Variants in SCNN1B observed in about 807,000 individuals in gnomAD.
SCNN1B encodes epithelial sodium channel subunit beta.
A neutral mutation model predicts 65.3 loss-of-function variants in SCNN1B; 46 were observed. The ratio of observed to expected loss-of-function variants is 0.70; its 90% confidence interval spans 0.56 to 0.90. SCNN1B has a LOEUF of 0.90. SCNN1B is among the 40% of genes least tolerant of loss of function. SCNN1B has a pLI of 0.00. For missense variants in SCNN1B, 751 were observed against 830.5 expected (o/e 0.90, Z 1.18); for synonymous variants, 349 against 330.6 (o/e 1.06, Z -0.60).
At chr16:23,289,357 C>T (rs1960892027) in intron 2 of SCNN1B, among the ~76,000 whole-genome samples, 2 of 152,138 alleles carry the variant, frequency 1.3e-5, no homozygotes, top group Non-Finnish European at 2.9e-5. Flanking sequence ...AAGCCTCAGA[C>T]CAGCCTGGGC....
chr16:23,324,029 A>G (rs2141996323), intron 1 of SCNN1B, among the ~76,000 whole-genome samples: 1 of 152,232 alleles, frequency 6.6e-6, no homozygotes, highest in Admixed American at 6.5e-5. Context: ...TGAAAACCAA[A>G]CAAAAACGCA....
intron 1 of SCNN1B, among the ~76,000 whole-genome samples, chr16:23,343,577 AAAAG>A (rs1193090358): frequency 1.5e-5 from 2 of 134,158 alleles, no homozygotes; most frequent in African/African-American, 2.8e-5. Context: ...GAAAGAAAGA[AAAAG>A]AGAAAGAAAG....
At chr16:23,319,577 T>G (rs1961544666) in intron 1 of SCNN1B, among the ~76,000 whole-genome samples, 4 of 152,164 alleles carry the variant, frequency 2.6e-5, no homozygotes, top group Admixed American at 2.6e-4. Context: ...GCCCAGTCAT[T>G]TACATGTTAT....
intron 10 of SCNN1B, among the ~76,000 whole-genome samples, chr16:23,377,986 A>G (rs190402567): frequency 2.6e-5 from 4 of 152,282 alleles, no homozygotes; most frequent in South Asian, 2.1e-4. Flanking sequence ...ACTGCGGGAA[A>G]CTACTTTATT....
At chr16:23,294,866 G>T (rs879324043) in intron 2 of SCNN1B, among the ~76,000 whole-genome samples, 1 of 151,776 alleles carries the variant, frequency 6.6e-6, no homozygotes, top group African/African-American at 2.4e-5. Context: ...GGTGGCGCGC[G>T]CCTGGAATCC....
chr16:23,352,897 C>T lies in SCNN1B; in HGVS notation c.408C>T (p.Ala136=), dbSNP rs747620908. 3.7e-6 allele frequency: 6 copies of T among 1,614,162 alleles called. No homozygotes were observed. The highest frequency in any genetic ancestry group is 5.1e-6 in the Non-Finnish European group (6 of 1,180,040). The change falls in exon 3 of 13, where the codon GCC becomes GCT. Residue 136 remains alanine (A), a synonymous_variant. Coordinates refer to ENST00000343070, the MANE Select transcript of SCNN1B (RefSeq NM_000336.3). ...CTCCTGAGCTAAGCCATGCCAATGCCACCAGGAACCTGAACTTCTCCATCT... is the reference window on the plus strand; with the variant it reads ...CTCCTGAGCTAAGCCATGCCAATGCTACCAGGAACCTGAACTTCTCCATCT... ...ILAPELSHAN[A]TRNLNFSIWN...
intron 1 of SCNN1B, among the ~76,000 whole-genome samples, chr16:23,324,984 C>T (rs1332814206): frequency 6.6e-6 from 1 of 152,194 alleles, no homozygotes; most frequent in Non-Finnish European, 1.5e-5. Flanking sequence ...TGTAATTGTA[C>T]TCATACAGGG....
intron 1 of SCNN1B, among the ~76,000 whole-genome samples, chr16:23,318,683 T>A (rs911142650): frequency 6.6e-6 from 1 of 152,160 alleles, no homozygotes; most frequent in Non-Finnish European, 1.5e-5. Flanking sequence ...TCTTTCAGAG[T>A]GGCTGTAAGA....
At chr16:23,373,038 C>T (rs572635314) in intron 7 of SCNN1B, among the ~76,000 whole-genome samples, 1 of 152,008 alleles carries the variant, frequency 6.6e-6, no homozygotes, top group Non-Finnish European at 1.5e-5. Context: ...ACCCGGGAGG[C>T]GGAGGTTGCA....
At chr16:23,305,560 A>ATATATATATATATATAT (rs1961189918) in intron 1 of SCNN1B, among the ~76,000 whole-genome samples, 1 of 44,196 alleles carries the variant, frequency 2.3e-5, no homozygotes, top group Non-Finnish European at 3.6e-5. Context: ...ATATATATAT[A>ATATATATATATATATAT]TATATATATA....
chr16:23,364,730 C>T (rs1298321473), intron 4 of SCNN1B, among the ~76,000 whole-genome samples: 6 of 152,202 alleles, frequency 3.9e-5, no homozygotes, highest in African/African-American at 7.2e-5. Flanking sequence ...GTGGCTCACA[C>T]ATGTAATCTC....
intron 2 of SCNN1B, among the ~76,000 whole-genome samples, chr16:23,350,150 G>A (rs1962279005): frequency 6.6e-6 from 1 of 152,170 alleles, no homozygotes; most frequent in South Asian, 2.1e-4. Flanking sequence ...TGTGTTCAGT[G>A]TTCTTTGGAT....
At chr16:23,330,652 A>G (rs1278274783) in intron 1 of SCNN1B, among the ~76,000 whole-genome samples, 1 of 152,138 alleles carries the variant, frequency 6.6e-6, no homozygotes, top group East Asian at 1.9e-4. Flanking sequence ...AGTTCACTGC[A>G]GCCTCCAACC....
At chr16:23,294,132 G>A (rs1305707281) in intron 2 of SCNN1B, among the ~76,000 whole-genome samples, 2 of 152,140 alleles carry the variant, frequency 1.3e-5, no homozygotes, top group Admixed American at 1.3e-4. Context: ...GGCCAAGGCT[G>A]ATGGGTCATT....
chr16:23,334,242 G>A (rs1189899980), intron 1 of SCNN1B, among the ~76,000 whole-genome samples: 1 of 151,972 alleles, frequency 6.6e-6, no homozygotes, highest in Non-Finnish European at 1.5e-5. Flanking sequence ...CCTCAACACT[G>A]CCTTACAGTG....
intron 1 of SCNN1B, among the ~76,000 whole-genome samples, chr16:23,345,670 C>T (rs1175049490): frequency 6.6e-6 from 1 of 152,198 alleles, no homozygotes; most frequent in Non-Finnish European, 1.5e-5. Flanking sequence ...GTCACATGCA[C>T]ATCTCCCAGA....
chr16:23,364,611 G>A (rs1962611926), intron 4 of SCNN1B, among the ~76,000 whole-genome samples: 1 of 152,224 alleles, frequency 6.6e-6, no homozygotes, highest in South Asian at 2.1e-4. Context: ...CAGAGGCAGA[G>A]GCTCCAGCAA....
At chr16:23,310,875 C>T (rs1440166592) in intron 1 of SCNN1B, among the ~76,000 whole-genome samples, 1 of 152,218 alleles carries the variant, frequency 6.6e-6, no homozygotes, top group African/African-American at 2.4e-5. Flanking sequence ...TTGAGTAACA[C>T]TCAGTGTTGG....
Position 23,294,979 on chromosome 16 carries a change from C to G in SCNN1B, n.178+11175C>G, listed in dbSNP as rs150705303. ...CTGCACTCCAGCCTGGGTGACAGAG[C>G]AAGACTGTCTCAAAATAAACAAATA... On this transcript the variant is annotated intron_variant and non_coding_transcript_variant, in intron 2 of 3. Transcript: ENST00000569789. Among the ~76,000 whole-genome samples the G allele has an allele frequency of 3.5e-3, 529 of 150,820 alleles. 17 individuals carry two copies. The South Asian group carries it at 0.068, about 19-fold the overall frequency.
Sources: allele counts gnomAD v4.1 joint callset (sites outside exome capture counted in the v4.1 genomes callset), GRCh38; gene constraint gnomAD v4.1.1; transcripts MANE v1.5; gene names NCBI Gene and HGNC (gene_info 2026-07-23, HGNC 2026-07-21).